Variants in CDH22 observed in about 807,000 individuals in gnomAD.
The protein encoded by CDH22 is cadherin 22.
CDH22 carries 30 observed loss-of-function variants against 58.4 expected under a neutral mutation model. The ratio of observed to expected loss-of-function variants is 0.51; its 90% CI spans 0.38 to 0.70. CDH22 has a LOEUF of 0.70. Among genes scored for constraint, CDH22 ranks in the 30% least tolerant of loss-of-function variants. The pLI, the probability that CDH22 is intolerant of heterozygous loss-of-function variation, is 0.00. For missense variants in CDH22, 1,014 were observed against 1,233.9 expected, an observed-to-expected ratio of 0.82 and a Z score of 2.67; for synonymous variants, 513 against 558.2, an observed-to-expected ratio of 0.92 and a Z score of 1.14.
At chr20:46,211,348 C>T (rs2145688852) in intron 6 of CDH22, among the ~76,000 whole-genome samples, 1 of 152,332 alleles carries the variant, frequency 6.6e-6, no homozygotes, top group African/African-American at 2.4e-5. Context: ...CAGGTGCCTA[C>T]CCTGTGTATG....
chr20:46,223,817 T>TTCCTTCCTTCCTTCCTTCCTTC (rs2086151133), intron 4 of CDH22, among the ~76,000 whole-genome samples: 2 of 138,070 alleles, frequency 1.4e-5, no homozygotes, highest in African/African-American at 5.6e-5. Flanking sequence ...TTTCTTCCTT[T>TTCCTTCCTTCCTTCCTTCCTTC]CTTCCTTCCT....
intron 7 of CDH22, among the ~76,000 whole-genome samples, chr20:46,200,711 T>G (rs563020942): frequency 1.2e-4 from 19 of 152,194 alleles, no homozygotes; most frequent in Admixed American, 9.8e-4. Context: ...ATCCCAGAAA[T>G]GGCAAACACT....
At chr20:46,242,587 A>G (rs551503371) in intron 2 of CDH22, among the ~76,000 whole-genome samples, 1 of 152,350 alleles carries the variant, frequency 6.6e-6, no homozygotes, top group Non-Finnish European at 1.5e-5. Flanking sequence ...GGCACTGCCC[A>G]GGCAGTGGTA....
At chr20:46,253,437 C>T (rs2086390944) in intron 1 of CDH22, among the ~76,000 whole-genome samples, 1 of 152,056 alleles carries the variant, frequency 6.6e-6, no homozygotes, top group Non-Finnish European at 1.5e-5. Context: ...GGGTCTGGAA[C>T]ACGCTGTTCC....
intron 7 of CDH22, among the ~76,000 whole-genome samples, chr20:46,204,393 CAAAAAAAAAAAA>C (rs3092239): frequency 1.3e-5 from 1 of 77,278 alleles, no homozygotes; most frequent in Non-Finnish European, 2.4e-5. Context: ...GACTCTGTCT[CAAAAAAAAAAAA>C]AAAAAAAAAA....
chr20:46,284,005 C>T (rs4810493), intron 1 of CDH22, among the ~76,000 whole-genome samples: 90,823 of 151,444 alleles, frequency 0.6, 27,823 homozygotes, highest in South Asian at 0.72. Context: ...TTAATGCCGA[C>T]TTCAGACTAA....
chr20:46,210,893 G>A lies in CDH22; in HGVS notation c.1033-333C>T, dbSNP rs553550674. Among the ~76,000 whole-genome samples, 171 of 152,220 alleles carry A rather than the reference G, an allele frequency of 1.1e-3. 1 individual carries two copies. Among genetic ancestry groups the A allele is most frequent in the Non-Finnish European group, 1.2e-3 (79 of 68,046 alleles). The stretch of plus-strand genomic sequence containing the variant: ...AACACAAAGCACCTACTGTGTGCCA[G>A]TGCTTTAAGTATATTAACTCAACTT... On this transcript the variant is annotated intron_variant, in intron 6 of 11. Transcript: ENST00000537909. The surrounding 1 kb of genome is among the most constrained non-coding windows in gnomAD (Gnocchi z 4.5).
chr20:46,267,217 T>C (rs987000609), intron 1 of CDH22, among the ~76,000 whole-genome samples: 2 of 152,228 alleles, frequency 1.3e-5, no homozygotes, highest in South Asian at 4.2e-4. Context: ...TGGGATAGCT[T>C]CTAGCAGATT....
At chr20:46,194,171 C>T (rs12626139) in intron 8 of CDH22, among the ~76,000 whole-genome samples, 5,293 of 152,246 alleles carry the variant, frequency 0.035, 320 homozygotes, top group East Asian at 0.28. Context: ...GGTCTCTCCC[C>T]GCCCACCCGT....
At chr20:46,232,394 A>T (rs1398188853) in intron 3 of CDH22, among the ~76,000 whole-genome samples, 1 of 152,168 alleles carries the variant, frequency 6.6e-6, no homozygotes, top group Non-Finnish European at 1.5e-5. Flanking sequence ...CCCTTCTGTA[A>T]AATGGAGATA....
chr20:46,231,230 T>C (rs543968072), intron 3 of CDH22, among the ~76,000 whole-genome samples: 110 of 152,298 alleles, frequency 7.2e-4, no homozygotes, highest in Non-Finnish European at 1.1e-3. Flanking sequence ...AACTGATTCT[T>C]GGCTAAACAG....
At chr20:46,290,553 G>C (rs1270565826) in intron 1 of CDH22, among the ~76,000 whole-genome samples, 1 of 152,236 alleles carries the variant, frequency 6.6e-6, no homozygotes, top group Non-Finnish European at 1.5e-5. Context: ...GTCAGGATAT[G>C]AGTGTTTAGG....
chr20:46,289,426 G>A lies in CDH22; in HGVS notation c.-400+18829C>T, dbSNP rs150958660. On this transcript the variant is annotated intron_variant, in intron 1 of 11. Transcript: ENST00000537909. ...TTTAGGGGTGTTGTCTTTTTTGCTTGATGCTGTATTCCCAGCATTTAGAAC... is the reference window on the plus strand; with the variant it reads ...TTTAGGGGTGTTGTCTTTTTTGCTTAATGCTGTATTCCCAGCATTTAGAAC... 3.2e-3 allele frequency among the ~76,000 whole-genome samples: 488 copies of A among 152,214 alleles called. 7 individuals carry two copies. Among genetic ancestry groups the A allele is most frequent in the Admixed American group, 0.023 (344 of 15,286 alleles).
intron 3 of CDH22, among the ~76,000 whole-genome samples, chr20:46,239,703 G>A (rs1254747712): frequency 6.6e-6 from 1 of 152,228 alleles, no homozygotes; most frequent in Non-Finnish European, 1.5e-5. Flanking sequence ...GCTGCTTCTT[G>A]TCTAGCCTGG....
chr20:46,270,126 G>A (rs1047028328), intron 1 of CDH22, among the ~76,000 whole-genome samples: 2 of 152,178 alleles, frequency 1.3e-5, no homozygotes, highest in Admixed American at 6.5e-5. Flanking sequence ...TGGAGGAAGG[G>A]CTATTCAGAG....
intron 3 of CDH22, among the ~76,000 whole-genome samples, chr20:46,230,224 G>T (rs376202362): frequency 5.9e-5 from 9 of 152,218 alleles, no homozygotes; most frequent in African/African-American, 2.2e-4. Flanking sequence ...TCACAGTGCC[G>T]CATCATGTCC....
chr20:46,241,894 C>CA lies in CDH22; in HGVS notation c.256-638dup, dbSNP rs1475039566. Among the ~76,000 whole-genome samples the CA allele has an allele frequency of 6.6e-6, 1 of 152,158 alleles. No individual in the cohort carries two copies. The highest frequency in any genetic ancestry group is 1.9e-4 in the East Asian group (1 of 5,182). Reference sequence around the variant, plus strand: ...GATTCTGACTCAGTAGGTCTGGGGCCAGGCCTCAGACTTTGCATTTCTAAC... The same window carrying CA: ...GATTCTGACTCAGTAGGTCTGGGGCCAAGGCCTCAGACTTTGCATTTCTAAC... On this transcript the variant is annotated intron_variant, in intron 2 of 11. Coordinates refer to ENST00000537909, the MANE Select transcript of CDH22 (RefSeq NM_021248.3). The surrounding 1 kb of genome is among the most constrained non-coding windows in gnomAD (Gnocchi z 5.2).
intron 1 of CDH22, among the ~76,000 whole-genome samples, chr20:46,279,305 A>G (rs2425848): frequency 0.32 from 49,022 of 152,106 alleles, 8,653 homozygotes; most frequent in Middle Eastern, 0.51. Context: ...GAGAAATATC[A>G]GCATGTGTAG....
At chr20:46,260,068 T>C (rs78118306) in intron 1 of CDH22, among the ~76,000 whole-genome samples, 1,731 of 152,290 alleles carry the variant, frequency 0.011, 29 homozygotes, top group African/African-American at 0.039. Context: ...TCCCTACCAG[T>C]AATTGATTTA....
Sources: gnomAD v4.1 joint callset for allele counts (sites outside exome capture counted in the v4.1 genomes callset) on GRCh38, gnomAD v4.1.1 for gene constraint, Gnocchi (gnomAD v3.1) non-coding constraint, MANE v1.5 for transcripts, NCBI Gene and HGNC (gene_info 2026-07-23, HGNC 2026-07-21) for gene names.